The following PLCH2 variants were observed in gnomAD, a reference collection of about 807,000 sequenced individuals.
PLCH2 encodes 1-phosphatidylinositol 4,5-bisphosphate phosphodiesterase eta-2.
In PLCH2, 98 loss-of-function variants were observed where a neutral mutation model predicts 134.7. The ratio of observed to expected loss-of-function variants is 0.73; its 90% CI spans 0.62 to 0.86. The LOEUF is 0.86. Ranked by LOEUF, PLCH2 falls within the 40% of genes least tolerant of loss-of-function variation. The pLI is 0.00. For synonymous variants in PLCH2, 974 were observed against 827.5 expected (o/e 1.18, Z -3.04); for missense variants, 1,994 against 1,986.6 (o/e 1.00, Z -0.07).
rs1320553050 is a variant in PLCH2, at chr1:2,499,127, C to T, written c.2478C>T (p.His826=). The T allele has an allele frequency of 6.2e-7, 1 of 1,612,640 alleles. No homozygotes were observed. The highest frequency in any genetic ancestry group is 8.5e-7 in the Non-Finnish European group (1 of 1,179,606). ...AGGAGACCCTGGTTTTCATGGTGCA[C>T]ATGCCGGAGATCGCGCTGGTCCGCT... The part of the protein sequence containing the change: ...TWEETLVFMV[H]MPEIALVRFL... Residue 826 remains histidine, a synonymous_variant, in exon 19 of 22, where the codon CAC becomes CAT. Coordinates refer to ENST00000378486, the MANE Select transcript of PLCH2 (RefSeq NM_014638.4).
chr1:2,486,576 T>C (rs895588576), intron 5 of PLCH2, among the ~76,000 whole-genome samples: 2 of 152,136 alleles, frequency 1.3e-5, no homozygotes, highest in South Asian at 2.1e-4. Flanking sequence ...CAAGGGGGCA[T>C]GAAGATTCTT....
upstream of PLCH2, among the ~76,000 whole-genome samples, chr1:2,476,096 G>A (rs921353437): frequency 6.6e-6 from 1 of 152,238 alleles, no homozygotes; most frequent in African/African-American, 2.4e-5. Flanking sequence ...GTCCCAGGAG[G>A]GCCCTCCCGT....
Position 2,487,350 on chromosome 1 carries a change from T to C in PLCH2, c.1088T>C (p.Leu363Pro). The C allele has an allele frequency of 6.2e-7, 1 of 1,613,464 alleles. No individual in the cohort carries two copies. The highest frequency in any genetic ancestry group is 1.1e-5 in the South Asian group (1 of 91,054). The change falls in exon 7 of 22, where the codon CTG becomes CCG. Residue 363 changes from leucine (L) to proline (P), a missense_variant. Leu to Pro is a moderately conservative substitution (Grantham distance 98, BLOSUM62 -3). Around this residue, in one of 2 missense-constraint regions of PLCH2, gnomAD observed 1,094 missense variants for 1,234.3 expected, o/e 0.89. Transcript: ENST00000378486. ...QSRVDMYAWV[L>P]QAGCRCVEVD... ...CGGGTGGACATGTATGCTTGGGTCCTGCAGGCTGGCTGCCGCTGCGTGGAG... is the reference window on the plus strand; with the variant it reads ...CGGGTGGACATGTATGCTTGGGTCCCGCAGGCTGGCTGCCGCTGCGTGGAG...
Position 2,504,357 on chromosome 1 carries a change from A to C in PLCH2, c.3395A>C (p.Gln1132Pro). The C allele has an allele frequency of 1.2e-6, 2 of 1,609,706 alleles. No individual in the cohort carries two copies. The highest frequency in any genetic ancestry group is 1.7e-6 in the Non-Finnish European group (2 of 1,179,386). Reference sequence around the variant, plus strand: ...GCCACGGGCAGTGACCCGCTGTGGCAGCGGCTGGAGCCATGTGGCCACCGA... The same window carrying C: ...GCCACGGGCAGTGACCCGCTGTGGCCGCGGCTGGAGCCATGTGGCCACCGA... ...SDATGSDPLW[Q>P]RLEPCGHRDS... Residue 1132 changes from glutamine (Q) to proline (P), a missense_variant, in exon 22 of 22, where the codon CAG becomes CCG. Transcript: ENST00000378486.
chr1:2,476,507 G>GC lies in PLCH2; in HGVS notation c.-81dup. The GC allele has an allele frequency of 7.4e-7, 1 of 1,347,368 alleles. No individual in the cohort carries two copies. The highest frequency in any genetic ancestry group is 9.8e-7 in the Non-Finnish European group (1 of 1,024,946). The allele number at this position is 1,347,368 out of a possible 1,614,324, so 83.5% of individuals were successfully genotyped here. On this transcript the variant is annotated 5_prime_UTR_variant, in exon 1 of 22. It removes the in-frame stop codon of an upstream open reading frame in the 5' UTR. Transcript: ENST00000378486. ...GCCCCACGGAGGTCCTGTCGCCAGC[G>GC]CTGCCACTGCCTGACCTCCGCTGCC...
chr1:2,424,392 C>T (rs1638668445), upstream of PLCH2, among the ~76,000 whole-genome samples: 2 of 152,190 alleles, frequency 1.3e-5, no homozygotes, highest in South Asian at 2.1e-4. Context: ...AAACCCTGGC[C>T]TCTAGGGACC....
intron 6 of PLCH2, 41 bp from the exon 7 acceptor site, chr1:2,487,132 G>A (rs1432082461): frequency 1.8e-5 from 27 of 1,528,838 alleles, no homozygotes; most frequent in South Asian, 2.4e-5. Context: ...GACGAGGCTG[G>A]TGGTGGGCTG....
At chr1:2,436,022 C>T (rs1219883358) in intron 2 of PLCH2, among the ~76,000 whole-genome samples, 1 of 99,226 alleles carries the variant, frequency 1.0e-5, no homozygotes, top group Non-Finnish European at 2.1e-5. Context: ...CCTCCTCTCT[C>T]CTCCCTCCTC....
chr1:2,457,085 G>T (rs1640533637), intron 2 of PLCH2, among the ~76,000 whole-genome samples: 1 of 152,200 alleles, frequency 6.6e-6, no homozygotes, highest in Admixed American at 6.5e-5. Context: ...TGTGGCGGTG[G>T]TGGCTTTGGG....
chr1:2,426,844 C>T (rs1638822112), intron 1 of PLCH2, among the ~76,000 whole-genome samples: 1 of 152,278 alleles, frequency 6.6e-6, no homozygotes, highest in African/African-American at 2.4e-5. Context: ...GCAACCCCAC[C>T]AGCTTGGGGG....
At chr1:2,457,043 A>AC (rs1239601412) in intron 2 of PLCH2, among the ~76,000 whole-genome samples, 2 of 151,456 alleles carry the variant, frequency 1.3e-5, no homozygotes, top group African/African-American at 4.9e-5. Flanking sequence ...TACCTCCAGA[A>AC]CCCCCCGGGG....
In PLCH2 at chr1:2,498,398, C is replaced by A; in HGVS notation, c.2225-125C>A. 2.7e-6 allele frequency: 3 copies of A among 1,112,402 alleles called. No homozygotes were observed. The highest frequency in any genetic ancestry group is 1.6e-5 in the African/African-American group (1 of 63,676). The allele number at this position is 1,112,402 out of a possible 1,614,324, so 68.9% of individuals were successfully genotyped here. On this transcript the variant is annotated intron_variant, in intron 16 of 21. Transcript: ENST00000378486. The surrounding 1 kb of genome is among the most constrained non-coding windows in gnomAD (Gnocchi z 5.4). Reference sequence around the variant, plus strand: ...CCCCTGGACCACTGCCTCCCTCCCTCCCCCTGGCACCGGCTCCAGTCTCCT... The same window carrying A: ...CCCCTGGACCACTGCCTCCCTCCCTACCCCTGGCACCGGCTCCAGTCTCCT...
intron 1 of PLCH2, among the ~76,000 whole-genome samples, chr1:2,471,214 G>T (rs1641309482): frequency 6.6e-6 from 1 of 152,218 alleles, no homozygotes; most frequent in East Asian, 1.9e-4. Flanking sequence ...CACTCTGGGA[G>T]GGACCCTTAC....
upstream of PLCH2, among the ~76,000 whole-genome samples, chr1:2,464,666 G>A (rs1478537701): frequency 1.3e-5 from 2 of 152,210 alleles, no homozygotes; most frequent in African/African-American, 2.4e-5. Flanking sequence ...CAGGGAAGCC[G>A]GGGCCTGGGC....
In PLCH2 at chr1:2,505,110, G is replaced by A; in HGVS notation, c.4148G>A (p.Cys1383Tyr). ...GAGCGGGGCACCCCCGAGGGCGCCT[G>A]CTCCGTGGGCCACGAGGGCAGTGTG... is the stretch of plus-strand genomic sequence containing the variant. ...EEERGTPEGA[C>Y]SVGHEGSVDA... Residue 1383 changes from cysteine to tyrosine, a missense_variant, in exon 22 of 22, where the codon TGC (cysteine) becomes TAC (tyrosine). Physicochemically the swap from Cys to Tyr is radical, Grantham distance 194. Coordinates refer to ENST00000378486, the MANE Select transcript of PLCH2 (RefSeq NM_014638.4). 6.5e-7 allele frequency: 1 copy of A among 1,545,248 alleles called. No homozygotes were observed. Among genetic ancestry groups the A allele is most frequent in the Non-Finnish European group, 8.7e-7 (1 of 1,153,930 alleles).
chr1:2,497,954 G>A lies in PLCH2; in HGVS notation c.2224+345G>A. On this transcript the variant is annotated intron_variant, in intron 16 of 21. Coordinates refer to ENST00000378486, the MANE Select transcript of PLCH2 (RefSeq NM_014638.4). ...TGCCTGGCCCCTCTGTGGGTCTCAG[G>A]ACCTGGGTCTGGGCTGGGTGTTTGG... 9.6e-6 allele frequency: 3 copies of A among 312,392 alleles called. No homozygotes were observed. The South Asian group carries it at 2.4e-4, about 25-fold the overall frequency. The allele number at this position is 312,392 out of a possible 1,614,324, so 19.4% of individuals were successfully genotyped here. A position where few individuals can be genotyped will look rare whatever the true frequency, so the allele number is the denominator to read the frequency against.
At chr1:2,436,235 T>TC (rs1414725438) in intron 2 of PLCH2, among the ~76,000 whole-genome samples, 2 of 102,828 alleles carry the variant, frequency 1.9e-5, no homozygotes, top group South Asian at 4.2e-4. Context: ...CCTCCTTTCC[T>TC]CCTTCCTCCC....
intron 2 of PLCH2, among the ~76,000 whole-genome samples, chr1:2,456,792 G>A (rs1640518963): frequency 6.6e-6 from 1 of 152,154 alleles, no homozygotes; most frequent in Non-Finnish European, 1.5e-5. Context: ...GAGAGAATGG[G>A]CCCACTTGGT....
chr1:2,476,953 G>A (rs1641664308), intron 1 of PLCH2, among the ~76,000 whole-genome samples: 1 of 152,198 alleles, frequency 6.6e-6, no homozygotes, highest in East Asian at 1.9e-4. Flanking sequence ...GCAGGGCCTG[G>A]GGGCTGAACC....
Sources: gnomAD v4.1 joint callset for allele counts (sites outside exome capture counted in the v4.1 genomes callset) on GRCh38, gnomAD v4.1.1 for gene constraint, gnomAD v4.1.1 regional missense constraint, Gnocchi (gnomAD v3.1) non-coding constraint, MANE v1.5 for transcripts, NCBI Gene and HGNC (gene_info 2026-07-23, HGNC 2026-07-21) for gene names.